Variants in GRM3 observed in about 807,000 individuals in gnomAD.
GRM3 encodes the protein glutamate metabotropic receptor 3.
In GRM3, 26 loss-of-function variants were observed where a neutral mutation model predicts 70.5. The ratio of observed to expected loss-of-function variants is 0.37; its 90% confidence interval spans 0.27 to 0.51. The LOEUF (loss-of-function observed/expected upper bound fraction) is 0.51. Ranked by LOEUF, GRM3 falls within the 20% of genes least tolerant of loss-of-function variation. The pLI is 0.93. For missense variants in GRM3, 859 were observed against 1,123.8 expected (o/e 0.76, Z 3.37); for synonymous variants, 443 against 434.9 (o/e 1.02, Z -0.23).
chr7:86,826,471 T>C (rs1430571781), intron 3 of GRM3, among the ~76,000 whole-genome samples: 2 of 152,044 alleles, frequency 1.3e-5, no homozygotes, highest in Non-Finnish European at 2.9e-5. Context: ...AATGGGCCTG[T>C]AGTGACTGTT....
chr7:86,741,595 A>G (rs112617511), intron 1 of GRM3, among the ~76,000 whole-genome samples: 35 of 152,326 alleles, frequency 2.3e-4, no homozygotes, highest in African/African-American at 8.2e-4. Flanking sequence ...TTTGCTACCC[A>G]AAACAAGTTA....
chr7:86,676,182 G>C (rs953673468), intron 1 of GRM3, among the ~76,000 whole-genome samples: 16 of 151,758 alleles, frequency 1.1e-4, no homozygotes, highest in African/African-American at 3.6e-4. Flanking sequence ...TCCAAGCCAA[G>C]AAATTCTATA....
chr7:86,718,536 G>T (rs181752898), intron 1 of GRM3, among the ~76,000 whole-genome samples: 1 of 151,970 alleles, frequency 6.6e-6, no homozygotes, highest in Admixed American at 6.6e-5. Context: ...GAAGCTAATT[G>T]CTGGTTTGCT....
chr7:86,661,532 A>T (rs1793893402), intron 1 of GRM3, among the ~76,000 whole-genome samples: 1 of 151,966 alleles, frequency 6.6e-6, no homozygotes, highest in Admixed American at 6.6e-5. Flanking sequence ...TGGGATTTTT[A>T]AAAATTTACA....
intron 1 of GRM3, among the ~76,000 whole-genome samples, chr7:86,743,525 A>G (rs574405558): frequency 6.6e-6 from 1 of 152,206 alleles, no homozygotes; most frequent in East Asian, 1.9e-4. Flanking sequence ...GCAGCTGCAT[A>G]TATTGTCCTT....
intron 1 of GRM3, among the ~76,000 whole-genome samples, chr7:86,728,632 G>T (rs1795647827): frequency 6.6e-6 from 1 of 152,054 alleles, no homozygotes; most frequent in Non-Finnish European, 1.5e-5. Context: ...CCCTCCTCTT[G>T]ACAGGCTTCT....
intron 1 of GRM3, among the ~76,000 whole-genome samples, chr7:86,674,001 C>T (rs983859451): frequency 3.9e-5 from 6 of 152,160 alleles, no homozygotes; most frequent in African/African-American, 1.4e-4. Flanking sequence ...GCACTAAAGT[C>T]CTGTTCCCAT....
chr7:86,648,802 C>A (rs942074564), intron 1 of GRM3, among the ~76,000 whole-genome samples: 4 of 152,022 alleles, frequency 2.6e-5, no homozygotes, highest in Non-Finnish European at 5.9e-5. Context: ...CGTGTGTAGG[C>A]TTCTTTAAGA....
rs1371828840 is a variant in GRM3, at chr7:86,850,388, T to A, written c.2410T>A (p.Cys804Ser). 2 of 1,612,724 alleles carry A rather than the reference T, an allele frequency of 1.2e-6. No individual in the cohort carries two copies. The highest frequency in any genetic ancestry group is 1.7e-6 in the Non-Finnish European group (2 of 1,179,094). ...CTTGTAGGTGCAGACGACAACCATG[T>A]GCATCTCTGTCAGCCTGAGTGGCTT... Reference protein sequence around the residue: ...SDYRVQTTTMCISVSLSGFVV... With the variant: ...SDYRVQTTTMSISVSLSGFVV... The change falls in exon 5 of 6, where the codon TGC (cysteine) becomes AGC (serine). Residue 804 changes from cysteine to serine, a missense_variant. Physicochemically the swap from Cys to Ser is moderately radical, Grantham distance 112 (BLOSUM62 -1). Coordinates refer to ENST00000361669, the MANE Select transcript of GRM3 (RefSeq NM_000840.3).
At chr7:86,659,537 G>T (rs802445) in intron 1 of GRM3, among the ~76,000 whole-genome samples, 101,331 of 151,850 alleles carry the variant, frequency 0.67, 34,164 homozygotes, top group East Asian at 0.87. Flanking sequence ...GCTTCTCTCA[G>T]GAAAGCATCC....
At chr7:86,654,391 T>C (rs1793681914) in intron 1 of GRM3, among the ~76,000 whole-genome samples, 1 of 152,202 alleles carries the variant, frequency 6.6e-6, no homozygotes, top group South Asian at 2.1e-4. Flanking sequence ...ACTGTTAAAC[T>C]GTTGAAAGTT....
At chr7:86,856,659 CT>C (rs1310891453) in intron 5 of GRM3, among the ~76,000 whole-genome samples, 1 of 152,122 alleles carries the variant, frequency 6.6e-6, no homozygotes, top group Non-Finnish European at 1.5e-5. Flanking sequence ...CTTTTACTCC[CT>C]TTGTCATTGT....
chr7:86,730,175 C>T (rs1468307580), intron 1 of GRM3, among the ~76,000 whole-genome samples: 2 of 151,968 alleles, frequency 1.3e-5, no homozygotes, highest in Admixed American at 6.6e-5. Flanking sequence ...AATCCCAGCA[C>T]ATTAGGAGGC....
intron 3 of GRM3, among the ~76,000 whole-genome samples, chr7:86,813,313 TG>T (rs1419791538): frequency 6.6e-6 from 1 of 151,734 alleles, no homozygotes; most frequent in Admixed American, 6.6e-5. Context: ...TCCAGCTTCA[TG>T]GGTCTTTAGA....
At chr7:86,701,786 A>T (rs1794951358) in intron 1 of GRM3, among the ~76,000 whole-genome samples, 1 of 151,946 alleles carries the variant, frequency 6.6e-6, no homozygotes, top group African/African-American at 2.4e-5. Flanking sequence ...GCTAAAGCTG[A>T]GGCAAGGGTT....
chr7:86,692,086 G>A (rs1794708641), intron 1 of GRM3, among the ~76,000 whole-genome samples: 1 of 152,266 alleles, frequency 6.6e-6, no homozygotes, highest in South Asian at 2.1e-4. Context: ...AAAATAAAGT[G>A]AATGTCAAAC....
intron 1 of GRM3, among the ~76,000 whole-genome samples, chr7:86,672,463 T>A (rs1179242251): frequency 1.3e-5 from 2 of 152,204 alleles, no homozygotes; most frequent in Admixed American, 1.3e-4. Flanking sequence ...ATGGGGCACG[T>A]TTATATTGTC....
intron 4 of GRM3, among the ~76,000 whole-genome samples, chr7:86,840,614 T>A (rs1798541240): frequency 6.6e-6 from 1 of 152,100 alleles, no homozygotes; most frequent in Non-Finnish European, 1.5e-5. Flanking sequence ...CTTCATTCCA[T>A]TATAATATTC....
At chr7:86,809,702 GT>G (rs1797870717) in intron 3 of GRM3, among the ~76,000 whole-genome samples, 1 of 152,138 alleles carries the variant, frequency 6.6e-6, no homozygotes, top group African/African-American at 2.4e-5. Flanking sequence ...CAAAGGAAAA[GT>G]TTGTTGAGGA....
Sources: gnomAD v4.1 joint callset for allele counts (sites outside exome capture counted in the v4.1 genomes callset) on GRCh38, gnomAD v4.1.1 for gene constraint, MANE v1.5 for transcripts, NCBI Gene and HGNC (gene_info 2026-07-23, HGNC 2026-07-21) for gene names.